ZPBP: variants seen among roughly 807,000 people sequenced by gnomAD.
The protein encoded by ZPBP is zona pellucida-binding protein 1.
ZPBP carries 26 observed loss-of-function variants against 44.8 expected under a neutral mutation model. The ratio of observed to expected loss-of-function variants is 0.58; its 90% confidence interval spans 0.43 to 0.81. The LOEUF is 0.81. Among genes scored for constraint, ZPBP ranks in the 30% least tolerant of loss-of-function variants. ZPBP has a pLI of 0.00. For synonymous variants in ZPBP, 174 were observed against 153.2 expected (o/e 1.14, Z -1.00); for missense variants, 409 against 434.0 (o/e 0.94, Z 0.51).
intron 2 of ZPBP, among the ~76,000 whole-genome samples, chr7:49,893,768 G>T (rs1453396555): frequency 1.3e-5 from 2 of 152,076 alleles, no homozygotes; most frequent in Non-Finnish European, 1.5e-5. Context: ...TTTACATTTG[G>T]CAGTCAGAGC....
At chr7:50,009,227 T>C (rs1224676740) in intron 6 of ZPBP, among the ~76,000 whole-genome samples, 2 of 104,724 alleles carry the variant, frequency 1.9e-5, no homozygotes, top group East Asian at 3.2e-4. Flanking sequence ...ACAGAAAGAC[T>C]CTGTCTCAAA....
chr7:49,898,088 C>T (rs1476472655), intron 2 of ZPBP, among the ~76,000 whole-genome samples: 1 of 151,952 alleles, frequency 6.6e-6, no homozygotes, highest in Non-Finnish European at 1.5e-5. Context: ...CCTTCCTGTA[C>T]AACCATTATG....
At chr7:50,022,995 G>A (rs1455043742) in intron 5 of ZPBP, among the ~76,000 whole-genome samples, 1 of 152,044 alleles carries the variant, frequency 6.6e-6, no homozygotes, top group African/African-American at 2.4e-5. Context: ...TAAGACTGGA[G>A]GAAAATCTTG....
intron 6 of ZPBP, among the ~76,000 whole-genome samples, chr7:50,011,433 T>C (rs1249020995): frequency 3.3e-5 from 5 of 152,152 alleles, no homozygotes; most frequent in Non-Finnish European, 5.9e-5. Context: ...GACAACCATG[T>C]TGCCCACAAA....
At position 49,872,915 on chromosome 7, in the gene ZPBP, CAA is replaced by C. The variant is rs61473396; in HGVS notation, n.510-22403_510-22402del. On this transcript the variant is annotated intron_variant and non_coding_transcript_variant, in intron 2 of 2. Transcript: ENST00000465922. Reference sequence around the variant, plus strand: ...TGGGAGACAGAGCAAGACTTTGTCTCAAAAAAAAAAAAAAAAAAAAAAGAAAG... The same window carrying C: ...TGGGAGACAGAGCAAGACTTTGTCTCAAAAAAAAAAAAAAAAAAAAGAAAG... Among the ~76,000 whole-genome samples, 147 of 33,954 alleles carry C rather than the reference CAA, an allele frequency of 4.3e-3. 1 individual carries two copies. The highest frequency in any genetic ancestry group is 0.013 in the African/African-American group (124 of 9,730). 22.3% of individuals were successfully genotyped at this position (33,954 alleles called of 152,430 possible).
intron 2 of ZPBP, among the ~76,000 whole-genome samples, chr7:49,897,812 C>T (rs1792464294): frequency 6.6e-6 from 1 of 152,194 alleles, no homozygotes; most frequent in Admixed American, 6.5e-5. Context: ...AAAAACTCCA[C>T]AGGGATTCAG....
Position 49,877,481 on chromosome 7 carries a change from A to AAAATATACATAT in ZPBP, n.509+23636_509+23637insATATGTATATTT. The stretch of plus-strand genomic sequence containing the variant: ...CTGTCTCAAAAAAAAAAAAAAAAAA[A>AAAATATACATAT]ATATATATATATATATATATATATA... On this transcript the variant is annotated intron_variant and non_coding_transcript_variant, in intron 2 of 2. Transcript: ENST00000465922. Among the ~76,000 whole-genome samples, 12 of 12,730 alleles carry AAAATATACATAT rather than the reference A, an allele frequency of 9.4e-4. 1 individual carries two copies. The highest frequency in any genetic ancestry group is 3.1e-3 in the African/African-American group (11 of 3,604). 8.4% of individuals were successfully genotyped at this position (12,730 alleles called of 152,430 possible).
chr7:49,854,597 C>T (rs990273973), intron 2 of ZPBP, among the ~76,000 whole-genome samples: 1 of 152,152 alleles, frequency 6.6e-6, no homozygotes, highest in Non-Finnish European at 1.5e-5. Context: ...GAGTTCTTTG[C>T]AGATTCTGGA....
At chr7:50,091,610 C>T (rs980918486) in intron 1 of ZPBP, among the ~76,000 whole-genome samples, 1 of 152,152 alleles carries the variant, frequency 6.6e-6, no homozygotes, top group Non-Finnish European at 1.5e-5. Context: ...TACCATTTTC[C>T]TTATTAGATT....
chr7:49,851,219 T>G (rs1044198494), intron 2 of ZPBP, among the ~76,000 whole-genome samples: 3 of 152,188 alleles, frequency 2.0e-5, no homozygotes, highest in Non-Finnish European at 4.4e-5. Flanking sequence ...TCTTCTCCTT[T>G]TCTTATAATG....
intron 2 of ZPBP, among the ~76,000 whole-genome samples, chr7:50,086,799 A>C (rs1802678028): frequency 6.6e-6 from 1 of 152,082 alleles, no homozygotes; most frequent in Non-Finnish European, 1.5e-5. Context: ...AAAAAATCCC[A>C]AATTTGATTG....
chr7:50,030,622 T>C (rs938653858), intron 5 of ZPBP, among the ~76,000 whole-genome samples: 1 of 152,032 alleles, frequency 6.6e-6, no homozygotes, highest in Admixed American at 6.6e-5. Context: ...TATTCCTAAG[T>C]GGTCATTCAT....
At chr7:49,875,898 C>T (rs910767390) in intron 2 of ZPBP, among the ~76,000 whole-genome samples, 1 of 152,120 alleles carries the variant, frequency 6.6e-6, no homozygotes, top group Non-Finnish European at 1.5e-5. Context: ...TCCCTGGCAT[C>T]GACTATGATA....
intron 2 of ZPBP, among the ~76,000 whole-genome samples, chr7:50,086,592 A>G (rs1802663496): frequency 6.6e-6 from 1 of 152,072 alleles, no homozygotes; most frequent in Non-Finnish European, 1.5e-5. Context: ...GAAGGAATCA[A>G]TAGCAAACTG....
intron 1 of ZPBP, among the ~76,000 whole-genome samples, chr7:49,928,227 G>A (rs1447022998): frequency 1.3e-5 from 2 of 152,164 alleles, no homozygotes; most frequent in Non-Finnish European, 2.9e-5. Context: ...GGGTTACTAA[G>A]GTTATTTGCT....
At chr7:49,928,569 A>C (rs995048448) in intron 1 of ZPBP, among the ~76,000 whole-genome samples, 10 of 152,114 alleles carry the variant, frequency 6.6e-5, no homozygotes, top group Non-Finnish European at 1.2e-4. Context: ...GCACTCTATA[A>C]CTGATGCTCA....
intron 1 of ZPBP, among the ~76,000 whole-genome samples, chr7:49,909,944 GA>G (rs911467413): frequency 4.6e-5 from 7 of 151,748 alleles, no homozygotes; most frequent in Non-Finnish European, 7.4e-5. Flanking sequence ...TATCTCCAAA[GA>G]TTTTTTTTTT....
At chr7:49,988,124 A>G (rs916627190) in intron 6 of ZPBP, among the ~76,000 whole-genome samples, 2 of 152,240 alleles carry the variant, frequency 1.3e-5, no homozygotes, top group African/African-American at 4.8e-5. Flanking sequence ...TAAAAGCATA[A>G]CAAAATACTC....
At chr7:50,009,396 C>T (rs1216454315) in intron 6 of ZPBP, among the ~76,000 whole-genome samples, 1 of 151,942 alleles carries the variant, frequency 6.6e-6, no homozygotes, top group African/African-American at 2.4e-5. Flanking sequence ...TTCTTGCTGA[C>T]CCTGATTAAG....
Sources: gnomAD v4.1 joint callset for allele counts (sites outside exome capture counted in the v4.1 genomes callset) on GRCh38, gnomAD v4.1.1 for gene constraint, MANE v1.5 for transcripts, NCBI Gene and HGNC (gene_info 2026-07-23, HGNC 2026-07-21) for gene names.